SLC35F1: variants seen among roughly 807,000 people sequenced by gnomAD.
SLC35F1 encodes the protein chromosome 6 open reading frame 169.
In SLC35F1, 14 loss-of-function variants were observed where a neutral mutation model predicts 48.7. The ratio of observed to expected loss-of-function variants is 0.29; its 90% CI spans 0.19 to 0.45. SLC35F1 has a LOEUF of 0.45. Among genes scored for constraint, SLC35F1 ranks in the 20% least tolerant of loss-of-function variants. The probability of loss-of-function intolerance (pLI) is 1.00; values close to 1 mark genes in which losing one functional copy is unlikely to be tolerated. For synonymous variants in SLC35F1, 190 were observed against 202.2 expected (o/e 0.94, Z 0.51); for missense variants, 404 against 500.0 (o/e 0.81, Z 1.83).
intron 2 of SLC35F1, among the ~76,000 whole-genome samples, chr6:118,219,348 C>T (rs1015085743): frequency 6.6e-6 from 1 of 152,092 alleles, no homozygotes; most frequent in Non-Finnish European, 1.5e-5. Flanking sequence ...AGAGCAGAGT[C>T]TTTGTTTTCT....
rs116478047 is a variant in SLC35F1, at chr6:117,918,159, G to C, written c.173+10260G>C. Among the ~76,000 whole-genome samples, 277 of 152,244 alleles carry C rather than the reference G, an allele frequency of 1.8e-3. 1 individual carries two copies. The highest frequency in any genetic ancestry group is 6.3e-3 in the African/African-American group (260 of 41,548). On this transcript the variant is annotated intron_variant, in intron 1 of 7. Coordinates refer to ENST00000360388, the MANE Select transcript of SLC35F1 (RefSeq NM_001029858.4). ...TTGGGAGGGAATGTGAGGTGGAGGT[G>C]TTGAGAATATGACTTTTGAGAAATT...
intron 2 of SLC35F1, among the ~76,000 whole-genome samples, chr6:118,218,863 C>A (rs1252043734): frequency 6.6e-6 from 1 of 152,136 alleles, no homozygotes; most frequent in African/African-American, 2.4e-5. Flanking sequence ...GAGTTAGATA[C>A]TATTCAGAGA....
chr6:118,275,686 T>G, intron 5 of SLC35F1, 71 bp downstream of exon 5: 1 of 1,490,270 alleles, frequency 6.7e-7, no homozygotes, highest in Non-Finnish European at 9.1e-7. Context: ...TTTTTGTTCT[T>G]GGGATGTAAA....
At chr6:118,095,254 C>T (rs1377360840) in intron 1 of SLC35F1, among the ~76,000 whole-genome samples, 1 of 152,202 alleles carries the variant, frequency 6.6e-6, no homozygotes, top group Admixed American at 6.5e-5. Flanking sequence ...GGATGCAGAA[C>T]ATTAGTCTTA....
intron 7 of SLC35F1, among the ~76,000 whole-genome samples, chr6:118,294,101 C>A (rs1471453286): frequency 6.6e-6 from 1 of 152,190 alleles, no homozygotes; most frequent in African/African-American, 2.4e-5. Flanking sequence ...TCTGCTTAAA[C>A]ATATGTTTCA....
chr6:118,292,430 A>G (rs1031613158), intron 7 of SLC35F1, among the ~76,000 whole-genome samples: 1 of 152,206 alleles, frequency 6.6e-6, no homozygotes, highest in Non-Finnish European at 1.5e-5. Flanking sequence ...GATGTGAGAG[A>G]GTACCGAGGG....
At chr6:118,065,818 T>C (rs1297505349) in intron 1 of SLC35F1, among the ~76,000 whole-genome samples, 1 of 152,246 alleles carries the variant, frequency 6.6e-6, no homozygotes, top group African/African-American at 2.4e-5. Flanking sequence ...CTACTCATTT[T>C]TGCATAATTT....
intron 1 of SLC35F1, among the ~76,000 whole-genome samples, chr6:117,959,632 A>T (rs986230624): frequency 2.0e-5 from 3 of 152,182 alleles, no homozygotes; most frequent in Non-Finnish European, 4.4e-5. Flanking sequence ...GATTCACTAA[A>T]CACACTTTTT....
chr6:118,165,037 C>T (rs986397366), intron 2 of SLC35F1, among the ~76,000 whole-genome samples: 1 of 152,108 alleles, frequency 6.6e-6, no homozygotes, highest in African/African-American at 2.4e-5. Context: ...AATAGGAACC[C>T]CAAATCTTTG....
At chr6:117,927,251 G>C (rs188420682) in intron 1 of SLC35F1, among the ~76,000 whole-genome samples, 1 of 152,220 alleles carries the variant, frequency 6.6e-6, no homozygotes, top group African/African-American at 2.4e-5. Context: ...AATGAAGGCA[G>C]AAGAAGAGAG....
chr6:118,232,464 C>T (rs1352536384), intron 2 of SLC35F1, among the ~76,000 whole-genome samples: 1 of 148,236 alleles, frequency 6.7e-6, no homozygotes, highest in East Asian at 2.0e-4. Flanking sequence ...AGGAGAATCG[C>T]TTGAACCCAG....
intron 1 of SLC35F1, among the ~76,000 whole-genome samples, chr6:117,916,563 C>G (rs1279461555): frequency 6.6e-6 from 1 of 152,188 alleles, no homozygotes; most frequent in Non-Finnish European, 1.5e-5. Context: ...CTGACAATAG[C>G]TACAAGTATC....
At chr6:118,312,946 G>C (rs759047990) in intron 7 of SLC35F1, among the ~76,000 whole-genome samples, 3 of 152,070 alleles carry the variant, frequency 2.0e-5, no homozygotes, top group Non-Finnish European at 2.9e-5. Flanking sequence ...ATGGACGCAG[G>C]ATGTGGTCAA....
chr6:118,200,159 T>TATACATACATACATAC (rs71012386), intron 2 of SLC35F1, among the ~76,000 whole-genome samples: 3 of 147,180 alleles, frequency 2.0e-5, no homozygotes, highest in East Asian at 2.0e-4. Flanking sequence ...TACATACATA[T>TATACATACATACATAC]ATACATACAT....
chr6:118,093,512 A>G (rs1318800905), intron 1 of SLC35F1, among the ~76,000 whole-genome samples: 1 of 152,162 alleles, frequency 6.6e-6, no homozygotes, highest in Non-Finnish European at 1.5e-5. Context: ...ATAGTGAATA[A>G]GTTCAATGAG....
At chr6:118,052,981 T>C (rs1405839535) in intron 1 of SLC35F1, among the ~76,000 whole-genome samples, 1 of 152,060 alleles carries the variant, frequency 6.6e-6, no homozygotes, top group Non-Finnish European at 1.5e-5. Flanking sequence ...TCTGTATCAG[T>C]GGTGCACAAG....
intron 2 of SLC35F1, among the ~76,000 whole-genome samples, chr6:118,171,389 G>A (rs1774401823): frequency 1.3e-5 from 2 of 152,020 alleles, no homozygotes; most frequent in South Asian, 4.1e-4. Context: ...CACAGTTAGT[G>A]GTCATACAAA....
At chr6:118,124,973 C>T (rs748135622) in intron 1 of SLC35F1, among the ~76,000 whole-genome samples, 1 of 152,122 alleles carries the variant, frequency 6.6e-6, no homozygotes, top group East Asian at 1.9e-4. Flanking sequence ...AACTCAATCA[C>T]CCAGGAGCCA....
intron 1 of SLC35F1, among the ~76,000 whole-genome samples, chr6:118,036,041 A>G (rs1772127368): frequency 6.6e-6 from 1 of 151,716 alleles, no homozygotes; most frequent in African/African-American, 2.4e-5. Context: ...TATCCCATTT[A>G]TTTCTGCTGT....
Sources: gnomAD v4.1 joint callset for allele counts (sites outside exome capture counted in the v4.1 genomes callset) on GRCh38, gnomAD v4.1.1 for gene constraint, MANE v1.5 for transcripts, NCBI Gene and HGNC (gene_info 2026-07-23, HGNC 2026-07-21) for gene names.